The following KIAA1217 variants were observed in gnomAD, a reference collection of about 807,000 sequenced individuals.
KIAA1217 encodes the protein KIAA1217, also known as sickle tail protein homolog.
Under a neutral mutation model 163.9 loss-of-function variants are expected in KIAA1217, and 88 were observed. The observed-to-expected ratio is 0.54, with a 90% confidence interval of 0.45 to 0.64. The LOEUF (loss-of-function observed/expected upper bound fraction) is 0.64. KIAA1217 is among the 30% of genes least tolerant of loss of function. The probability of loss-of-function intolerance (pLI) is 0.00; values close to 1 mark genes in which losing one functional copy is unlikely to be tolerated. For synonymous variants in KIAA1217, 903 were observed against 923.1 expected (o/e 0.98, Z 0.39); for missense variants, 2,372 against 2,475.0 (o/e 0.96, Z 0.88).
intron 2 of KIAA1217, among the ~76,000 whole-genome samples, chr10:24,200,949 G>A (rs1412859034): frequency 1.3e-5 from 2 of 152,092 alleles, no homozygotes; most frequent in African/African-American, 4.8e-5. Context: ...AGAGGTGGCA[G>A]TAGGGGGCAA....
intron 1 of KIAA1217, among the ~76,000 whole-genome samples, chr10:24,000,262 C>G (rs1451009635): frequency 1.3e-5 from 2 of 152,122 alleles, no homozygotes; most frequent in Non-Finnish European, 2.9e-5. Context: ...CCCCACGTGT[C>G]GTAGGAGGAA....
At chr10:24,534,656 G>A (rs2135165813) in intron 16 of KIAA1217, among the ~76,000 whole-genome samples, 1 of 152,006 alleles carries the variant, frequency 6.6e-6, no homozygotes, top group South Asian at 2.1e-4. Context: ...GAGGCGGGCA[G>A]ATCACCTGAG....
chr10:24,491,566 A>G (rs2066152596), intron 6 of KIAA1217, among the ~76,000 whole-genome samples: 1 of 152,172 alleles, frequency 6.6e-6, no homozygotes, highest in African/African-American at 2.4e-5. Context: ...CTGGGATTAC[A>G]GATGTGAGCC....
chr10:24,385,439 G>A (rs960797781), intron 3 of KIAA1217, among the ~76,000 whole-genome samples: 19 of 152,178 alleles, frequency 1.2e-4, no homozygotes, highest in Admixed American at 9.8e-4. Flanking sequence ...TCTCCCTCGG[G>A]TGCTGTCCTG....
chr10:23,724,147 G>A (rs1016927834), intron 1 of KIAA1217, among the ~76,000 whole-genome samples: 2 of 152,124 alleles, frequency 1.3e-5, no homozygotes, highest in Non-Finnish European at 2.9e-5. Flanking sequence ...AAATCTACCT[G>A]CATGATCCAA....
chr10:24,031,059 G>A (rs116145483), intron 2 of KIAA1217, among the ~76,000 whole-genome samples: 1,907 of 152,212 alleles, frequency 0.013, 38 homozygotes, highest in African/African-American at 0.04. Context: ...TGGAATTGCT[G>A]CATTTTATGG....
intron 1 of KIAA1217, among the ~76,000 whole-genome samples, chr10:23,777,877 A>G (rs1011208303): frequency 6.6e-6 from 1 of 152,148 alleles, no homozygotes; most frequent in African/African-American, 2.4e-5. Context: ...AGTCACGGAA[A>G]ATGCTTTCTG....
chr10:24,273,538 C>T (rs1281600653), intron 2 of KIAA1217, among the ~76,000 whole-genome samples: 1 of 152,086 alleles, frequency 6.6e-6, no homozygotes, highest in Non-Finnish European at 1.5e-5. Flanking sequence ...AACTGGCCCA[C>T]GTCACATCTT....
chr10:23,760,389 G>A (rs1220472057), intron 1 of KIAA1217, among the ~76,000 whole-genome samples: 1 of 152,134 alleles, frequency 6.6e-6, no homozygotes, highest in Non-Finnish European at 1.5e-5. Context: ...CTATCTTAAC[G>A]GGACTAATAG....
At chr10:24,098,556 G>A (rs1277273545) in intron 2 of KIAA1217, among the ~76,000 whole-genome samples, 1 of 152,138 alleles carries the variant, frequency 6.6e-6, no homozygotes, top group Non-Finnish European at 1.5e-5. Context: ...CTGTGGGGCA[G>A]GGTCCATGCA....
intron 1 of KIAA1217, among the ~76,000 whole-genome samples, chr10:24,003,919 T>C (rs1314584966): frequency 6.6e-6 from 1 of 152,188 alleles, no homozygotes; most frequent in Non-Finnish European, 1.5e-5. Flanking sequence ...TCTTCCAAAG[T>C]CTTACGAACT....
At chr10:24,041,950 G>T (rs1848652379) in intron 2 of KIAA1217, among the ~76,000 whole-genome samples, 1 of 152,064 alleles carries the variant, frequency 6.6e-6, no homozygotes, top group Admixed American at 6.6e-5. Flanking sequence ...TATCGTGTGT[G>T]TGTGTGTGTG....
intron 2 of KIAA1217, among the ~76,000 whole-genome samples, chr10:24,058,376 G>A (rs551941752): frequency 2.0e-5 from 3 of 152,090 alleles, no homozygotes; most frequent in Non-Finnish European, 4.4e-5. Flanking sequence ...GGCTATTTAG[G>A]ATCCTTCATG....
intron 6 of KIAA1217, among the ~76,000 whole-genome samples, chr10:24,478,471 G>A (rs1162906703): frequency 2.4e-4 from 37 of 152,164 alleles, no homozygotes; most frequent in Admixed American, 2.4e-3. Flanking sequence ...TCTTGTGATG[G>A]TAGGGGTCTC....
chr10:23,947,312 G>T (rs1844101169), intron 1 of KIAA1217, among the ~76,000 whole-genome samples: 2 of 152,242 alleles, frequency 1.3e-5, no homozygotes, highest in East Asian at 1.9e-4. Context: ...TAAATAAAAA[G>T]CTTCCAAAGA....
At chr10:24,204,887 T>G (rs962223539), upstream of KIAA1217, among the ~76,000 whole-genome samples, 2 of 152,212 alleles carry the variant, frequency 1.3e-5, no homozygotes, top group East Asian at 3.8e-4. Flanking sequence ...AAACAGTTAA[T>G]GTGGAACACA....
rs548993626 is a variant in KIAA1217, at chr10:24,381,906, C to T, written c.553+839C>T. 6.6e-5 allele frequency among the ~76,000 whole-genome samples: 10 copies of T among 152,224 alleles called. No individual in the cohort carries two copies. The South Asian group carries it at 1.7e-3, about 25-fold the overall frequency. On this transcript the variant is annotated intron_variant, in intron 3 of 20. Transcript: ENST00000376454. ...TGACTGTTCATAAGAACCATAAACA[C>T]GAGGCTGTTCCCACTACCACGTGAA...
chr10:24,466,716 G>C (rs2062984471), intron 5 of KIAA1217: 1 of 985,302 alleles, frequency 1.0e-6, no homozygotes, highest in Admixed American at 6.2e-5. Flanking sequence ...GCAAACAAAG[G>C]AATCATGTAA....
intron 2 of KIAA1217, among the ~76,000 whole-genome samples, chr10:24,132,820 C>T (rs1382898712): frequency 1.3e-5 from 2 of 152,162 alleles, no homozygotes; most frequent in East Asian, 3.8e-4. Flanking sequence ...GGGCTGTCTG[C>T]CGCCTCACCT....
Sources: allele counts gnomAD v4.1 joint callset (sites outside exome capture counted in the v4.1 genomes callset), GRCh38; gene constraint gnomAD v4.1.1; transcripts MANE v1.5; gene names NCBI Gene and HGNC (gene_info 2026-07-23, HGNC 2026-07-21).